The following HLCS variants were observed in gnomAD, a reference collection of about 807,000 sequenced individuals.
HLCS encodes holocarboxylase synthetase, also known as biotin--protein ligase.
In HLCS, 53 loss-of-function variants were observed where a neutral mutation model predicts 75.0. The ratio of observed to expected loss-of-function variants is 0.71; its 90% CI spans 0.57 to 0.89. The LOEUF (loss-of-function observed/expected upper bound fraction) is 0.89, where lower values mean the gene tolerates loss of function less well. Among genes scored for constraint, HLCS ranks in the 40% least tolerant of loss-of-function variants. The pLI, the probability that HLCS is intolerant of heterozygous loss-of-function variation, is 0.00. For synonymous variants in HLCS, 431 were observed against 428.6 expected, an observed-to-expected ratio of 1.01 and a Z score of -0.07; for missense variants, 966 against 1,074.0, an observed-to-expected ratio of 0.90 and a Z score of 1.41.
intron 1 of HLCS, among the ~76,000 whole-genome samples, chr21:36,989,308 G>A (rs970078329): frequency 1.5e-5 from 2 of 131,552 alleles, no homozygotes; most frequent in African/African-American, 5.9e-5. Flanking sequence ...ACAGTGTCTG[G>A]CCCATCTTTT....
At chr21:36,942,885 G>A (rs1214937755) in intron 2 of HLCS, among the ~76,000 whole-genome samples, 2 of 151,638 alleles carry the variant, frequency 1.3e-5, no homozygotes, top group Non-Finnish European at 2.9e-5. Flanking sequence ...AGCCAAGATT[G>A]CACCACTGCA....
At chr21:36,778,689 CCACTT>C (rs909048622) in intron 6 of HLCS, among the ~76,000 whole-genome samples, 29 of 152,306 alleles carry the variant, frequency 1.9e-4, no homozygotes, top group African/African-American at 6.7e-4. Context: ...CTTCTCCCCT[CCACTT>C]ATTATTTATC....
intron 6 of HLCS, among the ~76,000 whole-genome samples, chr21:36,879,038 T>C (rs2064098070): frequency 8.5e-6 from 1 of 117,016 alleles, no homozygotes; most frequent in South Asian, 3.3e-4. Context: ...GGTAAAAATC[T>C]ACAGAATGCA....
chr21:36,918,390 G>C (rs2066021205), intron 5 of HLCS, among the ~76,000 whole-genome samples: 1 of 152,310 alleles, frequency 6.6e-6, no homozygotes. Context: ...GGCTTCAAAG[G>C]CAGAGAGGGT....
At chr21:36,781,014 G>C (rs989830890) in intron 6 of HLCS, among the ~76,000 whole-genome samples, 1 of 129,996 alleles carries the variant, frequency 7.7e-6, no homozygotes, top group African/African-American at 2.9e-5. Flanking sequence ...AGCTTCCTCT[G>C]TATTTACAGC....
intron 6 of HLCS, among the ~76,000 whole-genome samples, chr21:36,859,996 T>C (rs1006909084): frequency 1.3e-5 from 2 of 152,214 alleles, no homozygotes; most frequent in African/African-American, 4.8e-5. Flanking sequence ...ATTTACTCAA[T>C]CAATATTCAT....
chr21:36,901,318 T>C (rs2065228519), intron 5 of HLCS, among the ~76,000 whole-genome samples: 1 of 151,988 alleles, frequency 6.6e-6, no homozygotes, highest in African/African-American at 2.4e-5. Flanking sequence ...GAGTCCAGAA[T>C]CCAGGGGAGA....
At chr21:36,763,799 G>C (rs879420878) in intron 8 of HLCS, among the ~76,000 whole-genome samples, 3 of 152,110 alleles carry the variant, frequency 2.0e-5, no homozygotes, top group Non-Finnish European at 4.4e-5. Context: ...AAAATGCTTC[G>C]GTCACTGAGC....
chr21:36,939,044 T>C lies in HLCS; in HGVS notation c.331-50A>G, dbSNP rs2067022615. On this transcript the variant is annotated intron_variant, in intron 2 of 10. Transcript: ENST00000674895. ...AGGTGGGAAAAGACAGGTTGAGATT[T>C]TTCTTCTCTAAAATAACCACATACT... 5 of 1,529,842 alleles carry C rather than the reference T, an allele frequency of 3.3e-6. No homozygotes were observed. In the East Asian group the frequency reaches 1.2e-4, roughly 37 times the overall value. 94.8% of individuals were successfully genotyped at this position (1,529,842 alleles called of 1,614,324 possible). A position where few individuals can be genotyped will look rare whatever the true frequency, so the allele number is the denominator to read the frequency against.
At chr21:36,831,946 A>T (rs1473695323) in intron 6 of HLCS, among the ~76,000 whole-genome samples, 1 of 152,134 alleles carries the variant, frequency 6.6e-6, no homozygotes, top group Non-Finnish European at 1.5e-5. Context: ...CATTGATTAG[A>T]CACAAGACAA....
chr21:36,904,472 A>G (rs2065366509), intron 5 of HLCS, among the ~76,000 whole-genome samples: 1 of 152,226 alleles, frequency 6.6e-6, no homozygotes, highest in African/African-American at 2.4e-5. Context: ...CTCAGAACCA[A>G]GTGAATTACT....
intron 8 of HLCS, among the ~76,000 whole-genome samples, chr21:36,760,984 C>T (rs1203865366): frequency 6.6e-6 from 1 of 152,198 alleles, no homozygotes; most frequent in East Asian, 1.9e-4. Flanking sequence ...AGATGCAAGG[C>T]TGGAAGAGAA....
In HLCS at chr21:36,911,344, G is replaced by T. The variant is rs185021811; in HGVS notation, c.1621-14213C>A. Among the ~76,000 whole-genome samples, 4 of 152,246 alleles carry T rather than the reference G, an allele frequency of 2.6e-5. No individual in the cohort carries two copies. In the East Asian group the frequency reaches 7.7e-4, roughly 29 times the overall value. ...ACCCATCCAGCCATCCTTCTCTGGG[G>T]CCCTGATGATGCGTCCTTCCAGTTA... is the stretch of plus-strand genomic sequence containing the variant. On this transcript the variant is annotated intron_variant, in intron 5 of 10. Coordinates refer to ENST00000674895, the MANE Select transcript of HLCS (RefSeq NM_001352514.2).
chr21:36,752,884 G>A lies in HLCS; in HGVS notation c.*1362C>T, dbSNP rs1308089268. The A allele has an allele frequency of 1.3e-5, 2 of 152,356 alleles. No individual in the cohort carries two copies. The highest frequency in any genetic ancestry group is 2.9e-5 in the Non-Finnish European group (2 of 68,020). 9.4% of individuals were successfully genotyped at this position (152,356 alleles called of 1,614,324 possible). The stretch of plus-strand genomic sequence containing the variant: ...TGCTAGTTTACAATGAAGGGATTTT[G>A]TTCAAAGCTGAAAGCTCCATCAAAC... On this transcript the variant is annotated 3_prime_UTR_variant, in exon 11 of 11. Transcript: ENST00000674895.
At chr21:36,774,624 G>A (rs1206971754) in intron 6 of HLCS, among the ~76,000 whole-genome samples, 1 of 152,044 alleles carries the variant, frequency 6.6e-6, no homozygotes, top group African/African-American at 2.4e-5. Flanking sequence ...TGTGTTTTAC[G>A]ACTCCTCAAA....
intron 6 of HLCS, among the ~76,000 whole-genome samples, chr21:36,874,747 A>G (rs2835519): frequency 0.32 from 49,143 of 152,142 alleles, 8,272 homozygotes; most frequent in Middle Eastern, 0.46. Flanking sequence ...GAGCTAACAC[A>G]GGCCAGGAAT....
At chr21:36,819,561 C>T (rs2061763949) in intron 6 of HLCS, among the ~76,000 whole-genome samples, 1 of 152,166 alleles carries the variant, frequency 6.6e-6, no homozygotes, top group Non-Finnish European at 1.5e-5. Context: ...TTGTAATAAT[C>T]AAGCTATGAT....
intron 5 of HLCS, among the ~76,000 whole-genome samples, chr21:36,929,546 A>C (rs1210882646): frequency 2.0e-5 from 3 of 152,256 alleles, no homozygotes; most frequent in Non-Finnish European, 4.4e-5. Flanking sequence ...TTTAGTGTTT[A>C]AAGTCACCTA....
chr21:36,922,980 G>A (rs1294877991), intron 5 of HLCS, among the ~76,000 whole-genome samples: 2 of 152,174 alleles, frequency 1.3e-5, no homozygotes, highest in African/African-American at 4.8e-5. Context: ...CGACATTCCT[G>A]AGCTGACACC....
Sources: gnomAD v4.1 joint callset for allele counts (sites outside exome capture counted in the v4.1 genomes callset) on GRCh38, gnomAD v4.1.1 for gene constraint, MANE v1.5 for transcripts, NCBI Gene and HGNC (gene_info 2026-07-23, HGNC 2026-07-21) for gene names.